CTNNA2: variants seen among roughly 807,000 people sequenced by gnomAD.
The protein encoded by CTNNA2 is catenin alpha-2.
Under a neutral mutation model 101.0 loss-of-function variants are expected in CTNNA2, and 42 were observed. The ratio of observed to expected loss-of-function variants is 0.42; its 90% CI spans 0.32 to 0.54. The LOEUF (loss-of-function observed/expected upper bound fraction) is 0.54. Ranked by LOEUF, CTNNA2 falls within the 20% of genes least tolerant of loss-of-function variation. The pLI is 0.14. For missense variants in CTNNA2, 871 were observed against 1,223.1 expected (o/e 0.71, Z 4.29); for synonymous variants, 450 against 456.4 (o/e 0.99, Z 0.18).
At chr2:79,221,199 A>C (rs1166188364) in intron 2 of CTNNA2, among the ~76,000 whole-genome samples, 1 of 152,178 alleles carries the variant, frequency 6.6e-6, no homozygotes, top group Non-Finnish European at 1.5e-5. Flanking sequence ...CCCAGGCTGG[A>C]ATGCAGTGGC....
intron 3 of CTNNA2, among the ~76,000 whole-genome samples, chr2:79,321,378 A>G (rs1033865941): frequency 6.6e-6 from 1 of 151,910 alleles, no homozygotes; most frequent in Non-Finnish European, 1.5e-5. Flanking sequence ...CTCACATAGA[A>G]ACCAATACGT....
chr2:80,214,642 G>T (rs1447848140), intron 7 of CTNNA2, among the ~76,000 whole-genome samples: 1 of 151,928 alleles, frequency 6.6e-6, no homozygotes, highest in Non-Finnish European at 1.5e-5. Context: ...GGCTGTGATG[G>T]GCTTCTCTTT....
At chr2:79,900,554 A>T (rs1362232198) in intron 6 of CTNNA2, among the ~76,000 whole-genome samples, 1 of 152,080 alleles carries the variant, frequency 6.6e-6, no homozygotes, top group African/African-American at 2.4e-5. Context: ...GTCATATTTC[A>T]CCTGACCTAT....
chr2:79,728,674 GC>G (rs1309823436), intron 2 of CTNNA2, among the ~76,000 whole-genome samples: 1 of 152,138 alleles, frequency 6.6e-6, no homozygotes, highest in African/African-American at 2.4e-5. Context: ...GAATGGTAAT[GC>G]CTAGGTTTTC....
intron 7 of CTNNA2, among the ~76,000 whole-genome samples, chr2:80,032,235 C>T (rs1345730803): frequency 6.6e-5 from 10 of 152,208 alleles, no homozygotes; most frequent in Admixed American, 5.9e-4. Flanking sequence ...CAAAAATACA[C>T]GTTCTTCAGG....
At chr2:79,957,671 A>G (rs909598025) in intron 7 of CTNNA2, among the ~76,000 whole-genome samples, 1 of 152,090 alleles carries the variant, frequency 6.6e-6, no homozygotes, top group African/African-American at 2.4e-5. Flanking sequence ...CAACCATTCA[A>G]AGTGTCTTGA....
chr2:79,254,344 G>C (rs927898376), intron 2 of CTNNA2, among the ~76,000 whole-genome samples: 2 of 152,196 alleles, frequency 1.3e-5, no homozygotes, highest in East Asian at 3.9e-4. Context: ...CTGGTGGGAA[G>C]AGATTGGGCC....
chr2:80,545,374 C>A (rs1691954809), intron 10 of CTNNA2, among the ~76,000 whole-genome samples: 1 of 151,952 alleles, frequency 6.6e-6, no homozygotes, highest in Non-Finnish European at 1.5e-5. Context: ...TAGTGAGACT[C>A]CATCTCTACA....
chr2:80,636,179 A>T (rs1419106199), intron 18 of CTNNA2, among the ~76,000 whole-genome samples: 3 of 152,030 alleles, frequency 2.0e-5, no homozygotes, highest in Non-Finnish European at 4.4e-5. Flanking sequence ...TGTTCTGGAA[A>T]GCTAGTTGGA....
intron 7 of CTNNA2, among the ~76,000 whole-genome samples, chr2:80,361,588 A>G (rs985266216): frequency 6.6e-6 from 1 of 152,144 alleles, no homozygotes; most frequent in African/African-American, 2.4e-5. Flanking sequence ...AGTTCCCAAA[A>G]AAAGGACATT....
At chr2:79,499,591 G>A (rs531457367) in intron 4 of CTNNA2, among the ~76,000 whole-genome samples, 1 of 152,000 alleles carries the variant, frequency 6.6e-6, no homozygotes, top group Non-Finnish European at 1.5e-5. Context: ...GATTTCTTAC[G>A]CCACCTATGT....
At chr2:80,336,301 C>A (rs187822081) in intron 7 of CTNNA2, among the ~76,000 whole-genome samples, 3 of 152,172 alleles carry the variant, frequency 2.0e-5, no homozygotes, top group Admixed American at 6.5e-5. Flanking sequence ...TAATTCTACT[C>A]GTGAGGGCTC....
chr2:80,172,884 A>G (rs1451864672), intron 7 of CTNNA2, among the ~76,000 whole-genome samples: 11 of 152,138 alleles, frequency 7.2e-5, no homozygotes, highest in Non-Finnish European at 2.9e-5. Context: ...CACTGGCCAT[A>G]TTGGATTAAG....
chr2:79,913,293 T>G (rs1410723909), intron 7 of CTNNA2, among the ~76,000 whole-genome samples: 2 of 152,036 alleles, frequency 1.3e-5, no homozygotes, highest in African/African-American at 4.8e-5. Context: ...AAAGAGGCCT[T>G]GAGGAGGAAG....
At chr2:79,234,854 T>C (rs2104244627) in intron 2 of CTNNA2, among the ~76,000 whole-genome samples, 1 of 152,326 alleles carries the variant, frequency 6.6e-6, no homozygotes, top group Admixed American at 6.5e-5. Context: ...TGTGGAATTC[T>C]TGAAGTAAAT....
intron 7 of CTNNA2, among the ~76,000 whole-genome samples, chr2:80,074,952 T>A (rs55981839): frequency 0.034 from 5,160 of 152,310 alleles, 270 homozygotes; most frequent in African/African-American, 0.11. Context: ...AGACAATTTG[T>A]CAATTAGGGA....
intron 4 of CTNNA2, among the ~76,000 whole-genome samples, chr2:79,399,533 T>C (rs1003207372): frequency 6.6e-6 from 1 of 152,054 alleles, no homozygotes; most frequent in African/African-American, 2.4e-5. Context: ...AATAGAAATA[T>C]CATAGACCAC....
At chr2:80,140,459 G>C (rs577501594) in intron 7 of CTNNA2, among the ~76,000 whole-genome samples, 42 of 152,160 alleles carry the variant, frequency 2.8e-4, no homozygotes, top group African/African-American at 9.6e-4. Context: ...GATCCAACAT[G>C]GTCTTAAGTC....
At chr2:80,144,055 T>G (rs1703176832) in intron 7 of CTNNA2, among the ~76,000 whole-genome samples, 1 of 152,192 alleles carries the variant, frequency 6.6e-6, no homozygotes, top group Non-Finnish European at 1.5e-5. Context: ...TTCTTTATAT[T>G]TGATGATGCT....
Sources: allele counts gnomAD v4.1 joint callset (sites outside exome capture counted in the v4.1 genomes callset), GRCh38; gene constraint gnomAD v4.1.1; transcripts MANE v1.5; gene names NCBI Gene and HGNC (gene_info 2026-07-23, HGNC 2026-07-21).